The following KIAA1755 variants were observed in gnomAD, a reference collection of about 807,000 sequenced individuals.
KIAA1755 encodes the protein uncharacterized protein KIAA1755.
In KIAA1755, 68 loss-of-function variants were observed where a neutral mutation model predicts 91.7. The observed-to-expected ratio is 0.74, with a 90% CI of 0.61 to 0.91. The LOEUF is 0.91. Among genes scored for constraint, KIAA1755 ranks in the 40% least tolerant of loss-of-function variants. The pLI is 0.00. For synonymous variants in KIAA1755, 610 were observed against 604.6 expected, an observed-to-expected ratio of 1.01 and a Z score of -0.13; for missense variants, 1,535 against 1,494.4, an observed-to-expected ratio of 1.03 and a Z score of -0.45.
intron 1 of KIAA1755, among the ~76,000 whole-genome samples, chr20:38,248,351 A>G (rs1032050874): frequency 2.6e-5 from 4 of 152,246 alleles, no homozygotes; most frequent in Admixed American, 6.5e-5. Flanking sequence ...AAGCTGGAGA[A>G]GGCAAGCAAA....
intron 5 of KIAA1755, among the ~76,000 whole-genome samples, chr20:38,230,225 T>G (rs930856185): frequency 3.3e-5 from 5 of 152,238 alleles, no homozygotes; most frequent in Non-Finnish European, 5.9e-5. Flanking sequence ...AGTCCACTCA[T>G]CATTCATTCA....
At chr20:38,256,674 G>A (rs906905275) in intron 1 of KIAA1755, among the ~76,000 whole-genome samples, 3 of 152,006 alleles carry the variant, frequency 2.0e-5, no homozygotes, top group African/African-American at 4.8e-5. Flanking sequence ...ATGGTAGCAC[G>A]CACCTGTAGT....
chr20:38,243,878 C>T (rs2123258461), intron 2 of KIAA1755, among the ~76,000 whole-genome samples: 2 of 152,246 alleles, frequency 1.3e-5, no homozygotes, highest in Middle Eastern at 3.4e-3. Context: ...GTTGTCATCT[C>T]CATGTGTTGT....
At chr20:38,244,350 C>T (rs1314973314) in intron 2 of KIAA1755, among the ~76,000 whole-genome samples, 3 of 152,224 alleles carry the variant, frequency 2.0e-5, no homozygotes, top group Non-Finnish European at 4.4e-5. Context: ...ATCTATGAGC[C>T]AGGCTCTGTG....
intron 4 of KIAA1755, among the ~76,000 whole-genome samples, chr20:38,238,531 G>A (rs571481557): frequency 2.5e-4 from 38 of 152,110 alleles, no homozygotes; most frequent in South Asian, 1.5e-3. Flanking sequence ...TACTTCCTCC[G>A]GGAAGTCATC....
chr20:38,213,533 G>T lies in KIAA1755; in HGVS notation c.3112C>A (p.Arg1038=). The change falls in exon 14 of 14, where the codon CGG becomes AGG. Residue 1038 remains arginine, a synonymous_variant. Coordinates refer to ENST00000279024, the MANE Select transcript of KIAA1755 (RefSeq NM_001029864.2). ...GLGQELWEEA[R]IRHEEIRMLL... ...ATCCGGATCTCCTCATGCCTGATCC[G>T]GGCCTCCTCCCATAGCTCCTGGCCC... 6.2e-7 allele frequency: 1 copy of T among 1,609,900 alleles called. No individual in the cohort carries two copies.
At chr20:38,236,376 T>A (rs1377835768) in intron 4 of KIAA1755, among the ~76,000 whole-genome samples, 3 of 152,192 alleles carry the variant, frequency 2.0e-5, no homozygotes, top group Non-Finnish European at 4.4e-5. Context: ...GTCGGGGTTG[T>A]CAGCCTGGAG....
chr20:38,231,966 G>A (rs1266849251), intron 4 of KIAA1755, among the ~76,000 whole-genome samples: 4 of 152,224 alleles, frequency 2.6e-5, no homozygotes, highest in Non-Finnish European at 1.5e-5. Context: ...TCTGGGCGGT[G>A]TGCCTCACTC....
Position 38,211,869 on chromosome 20 carries a change from A to G in KIAA1755, c.*1173T>C, listed in dbSNP as rs866953609. 2.0e-5 allele frequency: 3 copies of G among 152,188 alleles called. No homozygotes were observed. The highest frequency in any genetic ancestry group is 1.9e-4 in the East Asian group (1 of 5,180). 9.4% of individuals were successfully genotyped at this position (152,188 alleles called of 1,614,324 possible). A position where few individuals can be genotyped will look rare whatever the true frequency, so the allele number is the denominator to read the frequency against. ...GAGGCAATTCTCTTTGCCAAGACCAATGGAGCTGGCTGTGCGTGCTGTCTA... is the reference window on the plus strand; with the variant it reads ...GAGGCAATTCTCTTTGCCAAGACCAGTGGAGCTGGCTGTGCGTGCTGTCTA... On this transcript the variant is annotated 3_prime_UTR_variant, in exon 14 of 14. Coordinates refer to ENST00000279024, the MANE Select transcript of KIAA1755 (RefSeq NM_001029864.2).
chr20:38,222,367 C>A, intron 10 of KIAA1755, 82 bp downstream of exon 10: 1 of 1,462,774 alleles, frequency 6.8e-7, no homozygotes, highest in Non-Finnish European at 9.4e-7. Context: ...GCTATGTGTG[C>A]CCTAGGTGGT....
chr20:38,233,330 T>C (rs1297110693), intron 4 of KIAA1755: 1 of 152,202 alleles, frequency 6.6e-6, no homozygotes, highest in East Asian at 1.9e-4. Flanking sequence ...CTGTCTACTT[T>C]TCTATAGGTT....
intron 1 of KIAA1755, among the ~76,000 whole-genome samples, chr20:38,255,676 C>G (rs1434846696): frequency 6.6e-6 from 1 of 152,174 alleles, no homozygotes; most frequent in East Asian, 1.9e-4. Flanking sequence ...TGCTTTAAGT[C>G]CTTTTTATTT....
At chr20:38,228,277 T>C (rs1443669549) in intron 5 of KIAA1755, 37 bp from the exon 6 acceptor site, 1 of 1,538,174 alleles carries the variant, frequency 6.5e-7, no homozygotes, top group Non-Finnish European at 8.8e-7. Flanking sequence ...TCTTGCTGGA[T>C]GGCCTCGGAC....
intron 11 of KIAA1755, 97 bp downstream of exon 11, chr20:38,219,533 A>G: frequency 6.6e-7 from 1 of 1,516,712 alleles, no homozygotes; most frequent in Non-Finnish European, 8.9e-7. Context: ...TTTCTCCAGA[A>G]CAAAGCACCT....
intron 1 of KIAA1755, among the ~76,000 whole-genome samples, chr20:38,255,631 C>A (rs2076328190): frequency 6.6e-6 from 1 of 152,174 alleles, no homozygotes; most frequent in African/African-American, 2.4e-5. Flanking sequence ...GCTCTGGCTG[C>A]CAGGAAGTTC....
chr20:38,260,480 C>G lies in KIAA1755; in HGVS notation c.3+18G>C. The G allele has an allele frequency of 6.7e-7, 1 of 1,496,778 alleles. No homozygotes were observed. The highest frequency in any genetic ancestry group is 2.3e-4 in the Middle Eastern group (1 of 4,438). The allele number at this position is 1,496,778 out of a possible 1,614,324, so 92.7% of individuals were successfully genotyped here. On this transcript the variant is annotated intron_variant, in intron 1 of 13. Transcript: ENST00000279024. ...TGAAAGGGGGCAGAGCGAGGTGGTC[C>G]AGGCCTTGGCGCGTTACCATGGTGA...
chr20:38,253,105 C>A (rs930350967), intron 1 of KIAA1755, among the ~76,000 whole-genome samples: 1 of 152,304 alleles, frequency 6.6e-6, no homozygotes, highest in East Asian at 1.9e-4. Flanking sequence ...CAGGAGCCAG[C>A]GGGTGTGAGG....
At chr20:38,257,968 C>T (rs1253790821) in intron 1 of KIAA1755, among the ~76,000 whole-genome samples, 4 of 151,178 alleles carry the variant, frequency 2.6e-5, no homozygotes, top group Non-Finnish European at 5.9e-5. Flanking sequence ...GGTGCGATCT[C>T]GGCTCACTGC....
chr20:38,217,219 G>A (rs1173656757), intron 13 of KIAA1755, 34 bp downstream of exon 13: 10 of 1,543,284 alleles, frequency 6.5e-6, no homozygotes, highest in East Asian at 4.6e-5. Context: ...CAGGGGATCG[G>A]GGGGTATCTG....
Sources: allele counts gnomAD v4.1 joint callset (sites outside exome capture counted in the v4.1 genomes callset), GRCh38; gene constraint gnomAD v4.1.1; transcripts MANE v1.5; gene names NCBI Gene and HGNC (gene_info 2026-07-23, HGNC 2026-07-21).